Variants in CDH23 observed in about 807,000 individuals in gnomAD.
CDH23 encodes cadherin related 23, also known as cadherin-23.
CDH23 carries 189 observed loss-of-function variants against 317.1 expected under a neutral mutation model. The observed-to-expected ratio is 0.60, with a 90% confidence interval of 0.53 to 0.67. CDH23 has a LOEUF of 0.67. Ranked by LOEUF, CDH23 falls within the 30% of genes least tolerant of loss-of-function variation. The pLI is 0.00. For missense variants in CDH23, 4,401 were observed against 4,592.4 expected (o/e 0.96, Z 1.20); for synonymous variants, 1,839 against 1,876.8 (o/e 0.98, Z 0.52).
chr10:71,773,388 G>C, intron 38 of CDH23: 1 of 1,610,398 alleles, frequency 6.2e-7, no homozygotes, highest in Non-Finnish European at 8.5e-7. Context: ...AGAGCGAAGA[G>C]CAGGGATCCC....
rs1286457579 is a variant in CDH23 at position 71,790,338 on chromosome 10, C to A, written c.5974C>A (p.Gln1992Lys). Residue 1992 changes from glutamine (Q) to lysine (K), a missense_variant, in exon 46 of 70, where the codon CAA becomes AAA. Around this residue, in one of 3 missense-constraint regions of CDH23, gnomAD observed 3,068 missense variants for 3,203.3 expected, o/e 0.96. Transcript: ENST00000224721. ...NGPILALDADQDIYAVVTYQL... is the reference protein window; with the variant it reads ...NGPILALDADKDIYAVVTYQL... The stretch of plus-strand genomic sequence containing the variant: ...GCCCATCCTGGCCCTGGATGCAGAC[C>A]AAGACATCTACGCCGTGGTGACCTA... 2 of 1,613,918 alleles carry A rather than the reference C, an allele frequency of 1.2e-6. No individual in the cohort carries two copies. Among genetic ancestry groups the A allele is most frequent in the Non-Finnish European group, 8.5e-7 (1 of 1,179,878 alleles).
At chr10:71,681,309 C>T (rs941416946) in intron 17 of CDH23, among the ~76,000 whole-genome samples, 36 of 152,114 alleles carry the variant, frequency 2.4e-4, no homozygotes, top group Non-Finnish European at 4.7e-4. Flanking sequence ...TCCCATGCCC[C>T]CCACTCCCAA....
At chr10:71,685,003 C>T (rs1864815698) in intron 18 of CDH23, among the ~76,000 whole-genome samples, 2 of 152,212 alleles carry the variant, frequency 1.3e-5, no homozygotes, top group South Asian at 4.1e-4. Flanking sequence ...TCACCAGTGC[C>T]TTTCTTCCTT....
chr10:71,641,344 G>A (rs1350710834), intron 11 of CDH23, among the ~76,000 whole-genome samples: 1 of 152,150 alleles, frequency 6.6e-6, no homozygotes, highest in Non-Finnish European at 1.5e-5. Context: ...GGGCAGCACC[G>A]GTGTGATTCG....
At chr10:71,671,726 C>T (rs917913789) in intron 14 of CDH23, among the ~76,000 whole-genome samples, 7 of 152,154 alleles carry the variant, frequency 4.6e-5, no homozygotes, top group African/African-American at 1.7e-4. Flanking sequence ...CAGCCAGCAT[C>T]TGGGGGGCTG....
intron 1 of CDH23, 67 bp from the exon 2 acceptor site, chr10:71,439,760 G>T: frequency 8.5e-7 from 1 of 1,181,352 alleles, no homozygotes; most frequent in Non-Finnish European, 1.2e-6. Flanking sequence ...AGGTGGGAGG[G>T]GCTGAGGAGC....
chr10:71,716,301 C>A, intron 28 of CDH23: 1 of 1,510,504 alleles, frequency 6.6e-7, no homozygotes, highest in Non-Finnish European at 8.9e-7. Flanking sequence ...GGGCTGATGG[C>A]TGGGGAGCTG....
chr10:71,430,071 G>A (rs1480961019), intron 1 of CDH23, among the ~76,000 whole-genome samples: 1 of 152,168 alleles, frequency 6.6e-6, no homozygotes, highest in African/African-American at 2.4e-5. Context: ...CAGGGTCAGG[G>A]CACAGGGAGA....
chr10:71,565,937 A>T (rs1017842303), intron 6 of CDH23, among the ~76,000 whole-genome samples: 1 of 152,212 alleles, frequency 6.6e-6, no homozygotes, highest in Non-Finnish European at 1.5e-5. Flanking sequence ...AAGCAGCTGA[A>T]TTAGGATAGG....
chr10:71,611,060 G>GC (rs1564686480), intron 9 of CDH23, among the ~76,000 whole-genome samples: 2 of 147,692 alleles, frequency 1.4e-5, no homozygotes, highest in Non-Finnish European at 3.0e-5. Flanking sequence ...CCTGGTGAGC[G>GC]CCCCCAGCCC....
chr10:71,517,314 C>G (rs1426566464), intron 6 of CDH23, among the ~76,000 whole-genome samples: 1 of 152,210 alleles, frequency 6.6e-6, no homozygotes, highest in Non-Finnish European at 1.5e-5. Context: ...AAGCACCTTG[C>G]CCTCTGCTGG....
chr10:71,713,282 G>A (rs1254682407), intron 28 of CDH23: 1 of 779,438 alleles, frequency 1.3e-6, no homozygotes, highest in Admixed American at 1.7e-5. Flanking sequence ...AGGCGCAACA[G>A]CTCCAAGGCT....
At chr10:71,559,390 C>T (rs529266360) in intron 6 of CDH23, among the ~76,000 whole-genome samples, 1 of 152,152 alleles carries the variant, frequency 6.6e-6, no homozygotes, top group Admixed American at 6.6e-5. Context: ...TTATTGAATG[C>T]CTTCTATGCA....
At chr10:71,625,409 A>C (rs1262750661) in intron 11 of CDH23, among the ~76,000 whole-genome samples, 1 of 136,376 alleles carries the variant, frequency 7.3e-6, no homozygotes, top group East Asian at 2.0e-4. Flanking sequence ...AAAAAAAAAA[A>C]AAAAAAAAAA....
chr10:71,539,365 A>G (rs1476145673), intron 6 of CDH23, among the ~76,000 whole-genome samples: 1 of 152,134 alleles, frequency 6.6e-6, no homozygotes, highest in African/African-American at 2.4e-5. Context: ...TCCTTCCAGC[A>G]GGAGACCAAG....
At chr10:71,590,341 C>A (rs919202215) in intron 9 of CDH23, among the ~76,000 whole-genome samples, 3 of 152,214 alleles carry the variant, frequency 2.0e-5, no homozygotes, top group African/African-American at 7.2e-5. Flanking sequence ...CCCATCCCAG[C>A]CTTACCCCTC....
chr10:71,422,395 T>C (rs528251994), intron 1 of CDH23, among the ~76,000 whole-genome samples: 1 of 152,314 alleles, frequency 6.6e-6, no homozygotes, highest in Admixed American at 6.5e-5. Flanking sequence ...CCCCATTTCT[T>C]CATCTGCAAA....
chr10:71,707,106 C>T, intron 26 of CDH23, 57 bp downstream of exon 26: 3 of 1,566,170 alleles, frequency 1.9e-6, no homozygotes, highest in Non-Finnish European at 2.6e-6. Context: ...GCCTCCACCC[C>T]TCCCAGATGG....
intron 9 of CDH23, among the ~76,000 whole-genome samples, chr10:71,611,037 G>C (rs1450739110): frequency 6.6e-6 from 1 of 151,840 alleles, no homozygotes; most frequent in Non-Finnish European, 1.5e-5. Context: ...GGGCTGAACA[G>C]ATGAAAGGCT....
Sources: allele counts gnomAD v4.1 joint callset (sites outside exome capture counted in the v4.1 genomes callset), GRCh38; gene constraint gnomAD v4.1.1; regional missense constraint gnomAD v4.1.1; transcripts MANE v1.5; gene names NCBI Gene and HGNC (gene_info 2026-07-23, HGNC 2026-07-21).